Variants in NCALD observed in about 807,000 individuals in gnomAD.
NCALD encodes the protein neurocalcin-delta.
Under a neutral mutation model 18.6 loss-of-function variants are expected in NCALD, and 10 were observed. The observed-to-expected ratio is 0.54, with a 90% confidence interval of 0.33 to 0.91. NCALD has a LOEUF of 0.91. NCALD is among the 40% of genes least tolerant of loss of function. The pLI, the probability that NCALD is intolerant of heterozygous loss-of-function variation, is 0.03. For missense variants in NCALD, 184 were observed against 247.6 expected, an observed-to-expected ratio of 0.74 and a Z score of 1.72; for synonymous variants, 88 against 87.4, an observed-to-expected ratio of 1.01 and a Z score of -0.04.
At position 101,689,474 on chromosome 8, in the gene NCALD, C is replaced by T; in HGVS notation, c.485-68G>A. 3.2e-6 allele frequency: 4 copies of T among 1,261,954 alleles called. No homozygotes were observed. The highest frequency in any genetic ancestry group is 5.0e-5 in the East Asian group (2 of 39,630). 78.2% of individuals were successfully genotyped at this position (1,261,954 alleles called of 1,614,324 possible). A position where few individuals can be genotyped will look rare whatever the true frequency, so the allele number is the denominator to read the frequency against. ...GCATGAGCTTACACCCTTCCCACTA[C>T]TGCGTGCTGGGCAGTGTCGATTCAC... On this transcript the variant is annotated intron_variant, in intron 3 of 3. Transcript: ENST00000220931. The surrounding 1 kb of genome is among the most constrained non-coding windows in gnomAD (Gnocchi z 4.4).
chr8:101,793,540 C>T (rs1405273364), upstream of NCALD, among the ~76,000 whole-genome samples: 1 of 152,140 alleles, frequency 6.6e-6, no homozygotes, highest in Admixed American at 6.5e-5. Flanking sequence ...AGCTACCAGT[C>T]TTCTGTGAGG....
intron 2 of NCALD, among the ~76,000 whole-genome samples, chr8:101,973,203 A>C (rs1017266048): frequency 6.6e-6 from 1 of 152,148 alleles, no homozygotes; most frequent in Non-Finnish European, 1.5e-5. Context: ...TGTTTACTTA[A>C]TATCCTTTTT....
intron 2 of NCALD, among the ~76,000 whole-genome samples, chr8:101,969,376 T>C (rs1820152952): frequency 6.6e-6 from 1 of 152,232 alleles, no homozygotes; most frequent in Non-Finnish European, 1.5e-5. Flanking sequence ...TCCATTCTCC[T>C]GTTTCTGAAC....
chr8:101,707,976 G>C (rs1285364445), intron 2 of NCALD, among the ~76,000 whole-genome samples: 1 of 152,170 alleles, frequency 6.6e-6, no homozygotes. Context: ...AGTAGTAAAA[G>C]TGCTGATTAC....
chr8:101,783,705 G>T (rs1379309510), intron 1 of NCALD, among the ~76,000 whole-genome samples: 1 of 152,200 alleles, frequency 6.6e-6, no homozygotes, highest in Non-Finnish European at 1.5e-5. Context: ...CTCCTGCAGG[G>T]AGGGTCCCAG....
At chr8:101,834,900 G>A (rs2155940) in intron 4 of NCALD, among the ~76,000 whole-genome samples, 6 of 151,972 alleles carry the variant, frequency 3.9e-5, no homozygotes, top group Non-Finnish European at 8.8e-5. Flanking sequence ...TGGCTTCAGG[G>A]TAGGGCACAG....
In NCALD at chr8:102,017,633, T is replaced by C. The variant is rs541141873; in HGVS notation, c.-157+2604A>G. 2.6e-5 allele frequency among the ~76,000 whole-genome samples: 4 copies of C among 152,312 alleles called. No homozygotes were observed. The South Asian group carries it at 8.3e-4, about 32-fold the overall frequency. On this transcript the variant is annotated intron_variant, in intron 2 of 6. Transcript: ENST00000311028. ...TTGCTTGAATCTGGGAGGCGGAGGT[T>C]GCAGTGAGCCAAGATAGCACCACTG...
At chr8:102,050,509 T>A (rs1416653015) in intron 1 of NCALD, among the ~76,000 whole-genome samples, 1 of 151,078 alleles carries the variant, frequency 6.6e-6, no homozygotes, top group African/African-American at 2.4e-5. Flanking sequence ...AATAATATGC[T>A]ATAGGGCCTC....
chr8:101,809,210 G>A lies in NCALD; in HGVS notation c.-20+77931C>T, dbSNP rs529733351. On this transcript the variant is annotated intron_variant, in intron 4 of 6. Transcript: ENST00000311028. ...AATGTTCATGCAAAGACTGTTTAAA[G>A]TCTTCCTGGACATGGAAGAGTCATA... 2.6e-5 allele frequency among the ~76,000 whole-genome samples: 4 copies of A among 152,268 alleles called. No homozygotes were observed. The South Asian group carries it at 8.3e-4, about 32-fold the overall frequency.
At chr8:102,003,665 A>G (rs1262037728) in intron 2 of NCALD, among the ~76,000 whole-genome samples, 1 of 152,222 alleles carries the variant, frequency 6.6e-6, no homozygotes, top group Non-Finnish European at 1.5e-5. Context: ...CAGCACATCA[A>G]CAAGCTTATC....
intron 4 of NCALD, among the ~76,000 whole-genome samples, chr8:101,824,304 C>A (rs965085636): frequency 1.3e-5 from 2 of 152,110 alleles, no homozygotes; most frequent in Non-Finnish European, 2.9e-5. Context: ...TGGGGCCCAA[C>A]GCTGTGTCCA....
At chr8:101,842,011 A>G (rs1456062593) in intron 4 of NCALD, among the ~76,000 whole-genome samples, 1 of 152,150 alleles carries the variant, frequency 6.6e-6, no homozygotes, top group Non-Finnish European at 1.5e-5. Flanking sequence ...ACAGAAATTT[A>G]TTTTCTCACA....
chr8:101,949,238 T>C (rs550745139), intron 2 of NCALD, among the ~76,000 whole-genome samples: 8 of 152,270 alleles, frequency 5.3e-5, no homozygotes, highest in African/African-American at 1.9e-4. Context: ...AAGAGAGCTG[T>C]TTTCTTATCC....
Position 101,854,162 on chromosome 8 carries a change from A to C in NCALD, c.-20+32979T>G, listed in dbSNP as rs1398440842. ...AAGGAGAGAGTATTCCCTTATGCCA[A>C]CGAGGTCTCTCTGAGTTGTTTGCAC... On this transcript the variant is annotated intron_variant, in intron 4 of 6. Transcript: ENST00000311028. Among the ~76,000 whole-genome samples the C allele has an allele frequency of 3.9e-5, 6 of 152,320 alleles. No homozygotes were observed. The East Asian group carries it at 9.6e-4, about 24-fold the overall frequency.
At chr8:101,993,318 GC>G (rs1354462189) in intron 2 of NCALD, among the ~76,000 whole-genome samples, 1 of 151,926 alleles carries the variant, frequency 6.6e-6, no homozygotes, top group Non-Finnish European at 1.5e-5. Flanking sequence ...ACCTTGCTGT[GC>G]CCACAGCGCC....
chr8:101,708,914 A>C (rs1439289914), intron 2 of NCALD, among the ~76,000 whole-genome samples: 1 of 152,212 alleles, frequency 6.6e-6, no homozygotes, highest in Non-Finnish European at 1.5e-5. Context: ...GATGGGAAAT[A>C]AGGAAACGGG....
At chr8:101,692,731 A>G in intron 3 of NCALD, 60 bp downstream of exon 3, 1 of 1,515,968 alleles carries the variant, frequency 6.6e-7, no homozygotes, top group Non-Finnish European at 9.1e-7. Flanking sequence ...CCCAGTCTGG[A>G]CTCTCCAGTC....
chr8:101,839,195 C>A (rs1794998846), intron 4 of NCALD, among the ~76,000 whole-genome samples: 1 of 152,066 alleles, frequency 6.6e-6, no homozygotes. Flanking sequence ...AATTCCACAC[C>A]CGACCTGTGA....
Position 101,976,896 on chromosome 8 carries a change from G to A in NCALD, c.-157+43341C>T, listed in dbSNP as rs763093439. On this transcript the variant is annotated intron_variant, in intron 2 of 6. Transcript: ENST00000311028. Reference sequence around the variant, plus strand: ...TATGAAGGAGAAACACAGACACTATGAGAGCATCCAAGGCAAAGGGGCAGG... The same window carrying A: ...TATGAAGGAGAAACACAGACACTATAAGAGCATCCAAGGCAAAGGGGCAGG... Among the ~76,000 whole-genome samples the A allele has an allele frequency of 9.2e-5, 14 of 152,218 alleles. 1 individual carries two copies. In the South Asian group the frequency reaches 2.7e-3, roughly 29 times the overall value.
Sources: allele counts gnomAD v4.1 joint callset (sites outside exome capture counted in the v4.1 genomes callset), GRCh38; gene constraint gnomAD v4.1.1; non-coding constraint Gnocchi (gnomAD v3.1); transcripts MANE v1.5; gene names NCBI Gene and HGNC (gene_info 2026-07-23, HGNC 2026-07-21).